MPPED1: variants seen among roughly 807,000 people sequenced by gnomAD.
The protein encoded by MPPED1 is metallophosphoesterase domain containing 1, also known as metallophosphoesterase domain-containing protein 1.
Under a neutral mutation model 36.2 loss-of-function variants are expected in MPPED1, and 16 were observed. That is an observed-to-expected ratio of 0.44 (90% CI 0.30 to 0.67). MPPED1 has a LOEUF of 0.67. MPPED1 is among the 30% of genes least tolerant of loss of function. MPPED1 has a pLI of 0.10. For missense variants in MPPED1, 307 were observed against 453.4 expected (o/e 0.68, Z 2.93); for synonymous variants, 199 against 191.3 (o/e 1.04, Z -0.33).
intron 2 of MPPED1, among the ~76,000 whole-genome samples, chr22:43,430,462 C>T (rs947233084): frequency 2.0e-5 from 3 of 152,164 alleles, no homozygotes; most frequent in African/African-American, 7.2e-5. Context: ...AGGGGCACAG[C>T]AAGGAGGAGG....
chr22:43,477,038 G>A (rs1931598940), intron 4 of MPPED1, among the ~76,000 whole-genome samples: 1 of 152,166 alleles, frequency 6.6e-6, no homozygotes, highest in East Asian at 1.9e-4. Flanking sequence ...CAGGAGGTGG[G>A]TTCAGGGGCC....
At chr22:43,426,495 G>A (rs1047220853) in intron 2 of MPPED1, among the ~76,000 whole-genome samples, 1 of 152,150 alleles carries the variant, frequency 6.6e-6, no homozygotes. Flanking sequence ...GCCCTGGGCC[G>A]CCTCTGGGGC....
intron 4 of MPPED1, among the ~76,000 whole-genome samples, chr22:43,484,509 G>A (rs1160228830): frequency 6.6e-6 from 1 of 152,218 alleles, no homozygotes; most frequent in Non-Finnish European, 1.5e-5. Flanking sequence ...TTGGGCTTCT[G>A]GATCCCTGTC....
intron 3 of MPPED1, among the ~76,000 whole-genome samples, chr22:43,466,831 G>A (rs2088311429): frequency 6.6e-6 from 1 of 152,182 alleles, no homozygotes; most frequent in African/African-American, 2.4e-5. Context: ...TGGAAACCAT[G>A]AAACAGGCTC....
chr22:43,462,673 C>G (rs948699717), intron 3 of MPPED1, among the ~76,000 whole-genome samples: 1 of 152,198 alleles, frequency 6.6e-6, no homozygotes, highest in African/African-American at 2.4e-5. Flanking sequence ...GCTTTAAACA[C>G]CCCTCTGTAG....
At chr22:43,503,778 G>A (rs76939001) in intron 6 of MPPED1, among the ~76,000 whole-genome samples, 158 of 152,208 alleles carry the variant, frequency 1.0e-3, no homozygotes, top group African/African-American at 3.6e-3. Context: ...CCCTACTATG[G>A]GCATGTAGCT....
chr22:43,420,947 C>G (rs1224376189), intron 1 of MPPED1, among the ~76,000 whole-genome samples: 1 of 152,202 alleles, frequency 6.6e-6, no homozygotes, highest in Non-Finnish European at 1.5e-5. Flanking sequence ...ATAAGTCATG[C>G]GTTCATTCAT....
At chr22:43,413,373 A>T (rs1465446123) in intron 1 of MPPED1, among the ~76,000 whole-genome samples, 2 of 129,638 alleles carry the variant, frequency 1.5e-5, no homozygotes, top group African/African-American at 6.1e-5. Flanking sequence ...ATCTGACTGG[A>T]CTTTGCAAAA....
chr22:43,486,713 C>T (rs1270665076), intron 4 of MPPED1, among the ~76,000 whole-genome samples: 1 of 151,948 alleles, frequency 6.6e-6, no homozygotes, highest in East Asian at 1.9e-4. Flanking sequence ...AGCCTGCACC[C>T]CGGGAAATGG....
intron 5 of MPPED1, among the ~76,000 whole-genome samples, chr22:43,501,428 A>C (rs551899452): frequency 6.8e-6 from 1 of 147,272 alleles, no homozygotes; most frequent in South Asian, 2.1e-4. Flanking sequence ...CTCTCCAAAC[A>C]TGGTGTCGTT....
rs1404761782 is a variant in MPPED1 at position 43,506,354 on chromosome 22, G to C, written c.*738G>C. 1 of 152,548 alleles carries C rather than the reference G, an allele frequency of 6.6e-6. No individual in the cohort carries two copies. The highest frequency in any genetic ancestry group is 1.9e-4 in the East Asian group (1 of 5,200). 9.4% of individuals were successfully genotyped at this position (152,548 alleles called of 1,614,324 possible). ...GACCAGTGAGAGCGTTCCCAGTCAT[G>C]GGGGGATGACCCTTGGTCCCACGGG... On this transcript the variant is annotated 3_prime_UTR_variant, in exon 7 of 7. Coordinates refer to ENST00000443721, the MANE Select transcript of MPPED1 (RefSeq NM_001044370.2).
At chr22:43,471,699 C>T (rs1356200700) in intron 3 of MPPED1, among the ~76,000 whole-genome samples, 1 of 152,214 alleles carries the variant, frequency 6.6e-6, no homozygotes, top group Non-Finnish European at 1.5e-5. Context: ...CTGGAGAGGG[C>T]TTCTCTGTAC....
rs1343096988 is a variant in MPPED1 at position 43,432,354 on chromosome 22, AGAGAGAGAAAGG to A, written c.225-2664_225-2653del. ...AAAGAGGGAAAGAGAGAAGGGGAGG[AGAGAGAGAAAGG>A]GAGAGAGAAAGGGAGGAGAGAGAGA... On this transcript the variant is annotated intron_variant, in intron 2 of 6. Coordinates refer to ENST00000443721, the MANE Select transcript of MPPED1 (RefSeq NM_001044370.2). Among the ~76,000 whole-genome samples, 513 of 123,848 alleles carry A rather than the reference AGAGAGAGAAAGG, an allele frequency of 4.1e-3. 4 individuals are homozygous for A. The highest frequency in any genetic ancestry group is 8.1e-3 in the Admixed American group (102 of 12,624). 81.2% of individuals were successfully genotyped at this position (123,848 alleles called of 152,430 possible). A position where few individuals can be genotyped will look rare whatever the true frequency, so the allele number is the denominator to read the frequency against.
intron 6 of MPPED1, among the ~76,000 whole-genome samples, chr22:43,504,703 ATGG>A (rs1189796849): frequency 6.6e-6 from 1 of 151,466 alleles, no homozygotes; most frequent in African/African-American, 2.4e-5. Context: ...AATGATGGTG[ATGG>A]TGGTGGTGAT....
At chr22:43,468,337 C>A (rs959455889) in intron 3 of MPPED1, among the ~76,000 whole-genome samples, 2 of 152,214 alleles carry the variant, frequency 1.3e-5, no homozygotes, top group East Asian at 3.8e-4. Flanking sequence ...GGGCTTGTGG[C>A]AGAGGCTGGG....
At chr22:43,479,576 T>C (rs895174982) in intron 4 of MPPED1, among the ~76,000 whole-genome samples, 14 of 152,184 alleles carry the variant, frequency 9.2e-5, no homozygotes, top group Non-Finnish European at 1.8e-4. Flanking sequence ...ACGAGGGGCA[T>C]GCAAGCAGGG....
rs2146932899 is a variant in MPPED1, at chr22:43,506,678, G to A, written c.*1062G>A. 6.6e-6 allele frequency: 1 copy of A among 152,306 alleles called. No homozygotes were observed. The highest frequency in any genetic ancestry group is 1.5e-5 in the Non-Finnish European group (1 of 68,044). The allele number at this position is 152,306 out of a possible 1,614,324, so 9.4% of individuals were successfully genotyped here. Reference sequence around the variant, plus strand: ...GGAGGGTGGCACAGGGACCGAGCGGGCCCCAGGCTCCAGCAGCCCCACCTT... The same window carrying A: ...GGAGGGTGGCACAGGGACCGAGCGGACCCCAGGCTCCAGCAGCCCCACCTT... On this transcript the variant is annotated 3_prime_UTR_variant, in exon 7 of 7. Coordinates refer to ENST00000443721, the MANE Select transcript of MPPED1 (RefSeq NM_001044370.2).
chr22:43,463,811 C>CTTTCTTTCTTTTTTTTTTTCTTTCTT (rs1263255803), intron 3 of MPPED1, among the ~76,000 whole-genome samples: 3 of 24,208 alleles, frequency 1.2e-4, no homozygotes, highest in African/African-American at 2.1e-4. Context: ...TTTTTCTTTT[C>CTTTCTTTCTTTTTTTTTTTCTTTCTT]TTTCTTTCTT....
At chr22:43,497,010 A>T (rs1485018923) in intron 4 of MPPED1, among the ~76,000 whole-genome samples, 1 of 100,878 alleles carries the variant, frequency 9.9e-6, no homozygotes, top group Non-Finnish European at 2.0e-5. Flanking sequence ...GTGGTGGTGG[A>T]GGTAGTGGTG....
Sources: gnomAD v4.1 joint callset for allele counts (sites outside exome capture counted in the v4.1 genomes callset) on GRCh38, gnomAD v4.1.1 for gene constraint, MANE v1.5 for transcripts, NCBI Gene and HGNC (gene_info 2026-07-23, HGNC 2026-07-21) for gene names.